KANTR: variants seen among roughly 807,000 people sequenced by gnomAD.
KANTR encodes the protein KANTR integral membrane protein.
At chrX:53,109,010 G>A (rs1371680247) in intron 2 of KANTR, among the ~76,000 whole-genome samples, 1 of 112,052 alleles carries the variant, frequency 8.9e-6, no homozygotes, top group Non-Finnish European at 1.9e-5. Flanking sequence ...GATTACTTTG[G>A]CTATTTGGTG....
intron 1 of KANTR, among the ~76,000 whole-genome samples, chrX:53,097,648 C>T (rs1242199269): frequency 9.3e-6 from 1 of 107,799 alleles, no homozygotes; most frequent in Admixed American, 1.0e-4. Context: ...CCACCAGGCC[C>T]AGCCAAGAAT....
intron 1 of KANTR, among the ~76,000 whole-genome samples, chrX:53,097,086 T>C (rs1250463306): frequency 9.0e-6 from 1 of 111,356 alleles, no homozygotes; most frequent in Non-Finnish European, 1.9e-5. Flanking sequence ...TGAGCCAGCC[T>C]GGGCAACAAG....
downstream of KANTR, chrX:53,143,001 G>T (rs1933524851): frequency 2.7e-6 from 3 of 1,130,120 alleles, no homozygotes; most frequent in Non-Finnish European, 3.6e-6. Flanking sequence ...TGATGCCAGG[G>T]CACATGGTGG....
At chrX:53,118,375 C>G (rs1219524119) in intron 2 of KANTR, among the ~76,000 whole-genome samples, 1 of 111,754 alleles carries the variant, frequency 8.9e-6, no homozygotes, top group Non-Finnish European at 1.9e-5. Context: ...GACATATTAG[C>G]ATTTTCTTAG....
chrX:53,129,235 T>TTGTGTGTGTGTGTGTGTG (rs57493383), downstream of KANTR, among the ~76,000 whole-genome samples: 404 of 83,342 alleles, frequency 4.8e-3, 2 homozygotes, highest in South Asian at 8.2e-3. Flanking sequence ...GCCTGGCTAT[T>TTGTGTGTGTGTGTGTGTG]TGTGTGTGTG....
chrX:53,144,940 AC>A (rs1204920457), downstream of KANTR, among the ~76,000 whole-genome samples: 1 of 111,521 alleles, frequency 9.0e-6, no homozygotes, highest in African/African-American at 3.3e-5. Flanking sequence ...TGTCTCAAGT[AC>A]TTTTAATCCA....
chrX:53,106,454 G>A (rs1932955238), intron 2 of KANTR, among the ~76,000 whole-genome samples: 1 of 110,234 alleles, frequency 9.1e-6, no homozygotes, highest in Non-Finnish European at 1.9e-5. Context: ...CCAGGCTGGA[G>A]TGCAGTGGCA....
intron 2 of KANTR, among the ~76,000 whole-genome samples, chrX:53,116,610 G>A (rs1325762380): frequency 1.8e-5 from 2 of 111,496 alleles, no homozygotes; most frequent in East Asian, 2.8e-4. Flanking sequence ...GGAGGATGGG[G>A]ATCACCACAA....
Position 53,124,741 on chromosome X carries a change from GTTA to G in KANTR, c.*241_*243del, listed in dbSNP as rs1159181127. On this transcript the variant is annotated 3_prime_UTR_variant, in exon 3 of 3. Coordinates refer to ENST00000604062, the Ensembl canonical transcript of KANTR. Reference sequence around the variant, plus strand: ...TGGGGATTTAAAATTTTATCTCTTTGTTATTGAAATCTGTCTTAATTGCATTAT... The same window carrying G: ...TGGGGATTTAAAATTTTATCTCTTTGTTGAAATCTGTCTTAATTGCATTAT... 1.9e-5 allele frequency: 4 copies of G among 212,820 alleles called. No individual in the cohort carries two copies. In the East Asian group the frequency reaches 2.8e-4, roughly 15 times the overall value. 17.5% of individuals were successfully genotyped at this position (212,820 alleles called of 1,213,427 possible). A position where few individuals can be genotyped will look rare whatever the true frequency, so the allele number is the denominator to read the frequency against.
At chrX:53,140,168 G>A (rs141644694) in intron 2 of KANTR, among the ~76,000 whole-genome samples, 2,708 of 112,093 alleles carry the variant, frequency 0.024, 91 homozygotes, top group African/African-American at 0.083. Context: ...CAGCTGTTCC[G>A]AAGAGCTGTC....
chrX:53,131,491 T>C (rs1312870681), downstream of KANTR, among the ~76,000 whole-genome samples: 4 of 111,894 alleles, frequency 3.6e-5, no homozygotes, highest in Non-Finnish European at 7.5e-5. Flanking sequence ...GTTCAACATA[T>C]TAACAAACCA....
chrX:53,103,730 A>G (rs782681529), intron 2 of KANTR, among the ~76,000 whole-genome samples: 5 of 111,935 alleles, frequency 4.5e-5, no homozygotes, highest in African/African-American at 1.6e-4. Flanking sequence ...ACTTGACTGA[A>G]AAAATGGAAA....
rs180996918 is a variant in KANTR, at chrX:53,140,483, G to A, written n.204-1365G>A. Among the ~76,000 whole-genome samples the A allele has an allele frequency of 7.7e-3, 770 of 100,315 alleles. 4 individuals are homozygous for A. The highest frequency in any genetic ancestry group is 0.019 in the Middle Eastern group (4 of 208). 87.1% of individuals were successfully genotyped at this position (100,315 alleles called of 115,157 possible). Reference sequence around the variant, plus strand: ...ACTACTGCCCTCCAGCCTGGGTAACGGAGTGAGACTCTGTCTCAAAAAAAA... The same window carrying A: ...ACTACTGCCCTCCAGCCTGGGTAACAGAGTGAGACTCTGTCTCAAAAAAAA... On this transcript the variant is annotated intron_variant and non_coding_transcript_variant, in intron 2 of 2. Transcript: ENST00000366185.
downstream of KANTR, among the ~76,000 whole-genome samples, chrX:53,145,914 T>C: frequency 8.9e-6 from 1 of 111,775 alleles, no homozygotes. Context: ...TCCAGCAAAC[T>C]CCAACATTCC....
intron 2 of KANTR, among the ~76,000 whole-genome samples, chrX:53,110,922 C>CAA (rs1160968426): frequency 1.1e-5 from 1 of 91,823 alleles, no homozygotes; most frequent in Admixed American, 1.2e-4. Context: ...GACTCTGTCT[C>CAA]AAAAAAAAAA....
chrX:53,121,474 TTTA>T (rs1227097212), intron 2 of KANTR, among the ~76,000 whole-genome samples: 16 of 111,833 alleles, frequency 1.4e-4, no homozygotes, highest in African/African-American at 4.9e-4. Context: ...TTTACATGGC[TTTA>T]TCAGTTTTTT....
exon 3 of KANTR, chrX:53,125,755 T>C (rs1933286165): frequency 9.0e-6 from 1 of 111,489 alleles, no homozygotes; most frequent in South Asian, 3.6e-4. Context: ...TTTTACATCA[T>C]TGTCAGTGTT....
intron 2 of KANTR, among the ~76,000 whole-genome samples, chrX:53,118,572 G>A (rs1344665260): frequency 9.1e-6 from 1 of 110,073 alleles, no homozygotes; most frequent in African/African-American, 3.3e-5. Context: ...ACCAGACTGG[G>A]CAACATGATG....
chrX:53,116,944 A>G (rs1388109645), intron 2 of KANTR, among the ~76,000 whole-genome samples: 4 of 110,573 alleles, frequency 3.6e-5, no homozygotes, highest in African/African-American at 9.9e-5. Context: ...CACGTTCTCT[A>G]CTCTTCTCCT....
Sources: gnomAD v4.1 joint callset for allele counts (sites outside exome capture counted in the v4.1 genomes callset) on GRCh38, gnomAD v4.1.1 for gene constraint, MANE v1.5 for transcripts, NCBI Gene and HGNC (gene_info 2026-07-23, HGNC 2026-07-21) for gene names.